SDK1: variants seen among roughly 807,000 people sequenced by gnomAD.
SDK1 encodes protein sidekick-1.
A neutral mutation model predicts 245.5 loss-of-function variants in SDK1; 157 were observed. The ratio of observed to expected loss-of-function variants is 0.64; its 90% CI spans 0.56 to 0.73. The LOEUF (loss-of-function observed/expected upper bound fraction) is 0.73, where lower values mean the gene tolerates loss of function less well. Among genes scored for constraint, SDK1 ranks in the 30% least tolerant of loss-of-function variants. The probability of loss-of-function intolerance (pLI) is 0.00; values close to 1 mark genes in which losing one functional copy is unlikely to be tolerated. For missense variants in SDK1, 3,583 were observed against 3,002.3 expected (o/e 1.19, Z -4.52); for synonymous variants, 1,647 against 1,278.5 (o/e 1.29, Z -6.15).
intron 1 of SDK1, among the ~76,000 whole-genome samples, chr7:3,570,478 G>C (rs1780076604): frequency 6.6e-6 from 1 of 152,150 alleles, no homozygotes; most frequent in Non-Finnish European, 1.5e-5. Context: ...CCACAGCCCG[G>C]AGTTGGGGAT....
intron 1 of SDK1, among the ~76,000 whole-genome samples, chr7:3,319,715 A>G (rs1037195229): frequency 2.0e-5 from 3 of 152,016 alleles, no homozygotes; most frequent in South Asian, 2.1e-4. Context: ...TGCCAACTCA[A>G]GTACCTTTTT....
intron 1 of SDK1, among the ~76,000 whole-genome samples, chr7:3,318,707 T>A (rs1441493912): frequency 6.6e-6 from 1 of 152,226 alleles, no homozygotes; most frequent in Admixed American, 6.5e-5. Flanking sequence ...TGAGTTTTCT[T>A]GGCCTGTTGA....
intron 4 of SDK1, among the ~76,000 whole-genome samples, chr7:3,768,253 GA>G (rs1359331317): frequency 6.6e-6 from 1 of 152,146 alleles, no homozygotes; most frequent in Non-Finnish European, 1.5e-5. Context: ...AGTTGCAACA[GA>G]AAAACTGTTG....
intron 5 of SDK1, among the ~76,000 whole-genome samples, chr7:3,902,130 C>T (rs973131324): frequency 2.6e-5 from 4 of 152,168 alleles, no homozygotes; most frequent in African/African-American, 9.7e-5. Flanking sequence ...GATCTGGCTG[C>T]TAAGTGTGCT....
At chr7:3,558,515 C>T (rs1362874851) in intron 1 of SDK1, among the ~76,000 whole-genome samples, 1 of 152,200 alleles carries the variant, frequency 6.6e-6, no homozygotes, top group Non-Finnish European at 1.5e-5. Context: ...CTACACTTTT[C>T]CAGTCACTGG....
intron 36 of SDK1, 51 bp from the exon 37 acceptor site, chr7:4,208,048 T>A: frequency 7.0e-7 from 1 of 1,429,530 alleles, no homozygotes; most frequent in Non-Finnish European, 9.7e-7. Context: ...GGCCCCCGCT[T>A]ACTGGAAGGC....
chr7:3,753,154 A>G (rs1008341055), intron 4 of SDK1, among the ~76,000 whole-genome samples: 1 of 152,238 alleles, frequency 6.6e-6, no homozygotes, highest in Non-Finnish European at 1.5e-5. Context: ...AGGAATGGTC[A>G]TTAATAAGCT....
chr7:3,974,579 G>T (rs746196634), intron 13 of SDK1, 34 bp downstream of exon 13: 1 of 1,598,800 alleles, frequency 6.3e-7, no homozygotes, highest in Admixed American at 1.7e-5. Context: ...TAGCCAGTCC[G>T]CGGTTTTCTC....
intron 4 of SDK1, among the ~76,000 whole-genome samples, chr7:3,721,852 G>A (rs913988448): frequency 4.6e-5 from 7 of 152,160 alleles, no homozygotes; most frequent in Non-Finnish European, 8.8e-5. Flanking sequence ...TTCATGAACT[G>A]TCGGCCATCC....
At chr7:3,903,183 GCTC>G (rs1359256753) in intron 5 of SDK1, among the ~76,000 whole-genome samples, 5 of 148,166 alleles carry the variant, frequency 3.4e-5, no homozygotes, top group African/African-American at 1.2e-4. Context: ...AGACTCCGTC[GCTC>G]AGGCTAGAGT....
intron 1 of SDK1, among the ~76,000 whole-genome samples, chr7:3,404,034 T>C (rs1778986787): frequency 6.6e-6 from 1 of 151,426 alleles, no homozygotes; most frequent in South Asian, 2.1e-4. Flanking sequence ...TTTTGTAGTC[T>C]GTTAAGTGAG....
At chr7:3,574,511 A>C (rs1216813330) in intron 1 of SDK1, among the ~76,000 whole-genome samples, 2 of 152,038 alleles carry the variant, frequency 1.3e-5, no homozygotes, top group Non-Finnish European at 2.9e-5. Flanking sequence ...CGGGGCTAGC[A>C]TGCTTGTTGC....
intron 5 of SDK1, among the ~76,000 whole-genome samples, chr7:3,851,015 A>G (rs1181108309): frequency 6.6e-6 from 1 of 152,244 alleles, no homozygotes; most frequent in Non-Finnish European, 1.5e-5. Flanking sequence ...AACAAAAAAA[A>G]AAGAAGACAC....
chr7:4,095,447 T>C (rs868816585), intron 22 of SDK1, among the ~76,000 whole-genome samples: 8 of 152,266 alleles, frequency 5.3e-5, no homozygotes, highest in African/African-American at 1.7e-4. Flanking sequence ...TGGTAAGATG[T>C]CACTTTAGTT....
At chr7:3,626,930 T>G (rs1386691526) in intron 2 of SDK1, among the ~76,000 whole-genome samples, 1 of 151,500 alleles carries the variant, frequency 6.6e-6, no homozygotes, top group Non-Finnish European at 1.5e-5. Context: ...TTCAACAATT[T>G]TTTTTTTTTT....
intron 14 of SDK1, among the ~76,000 whole-genome samples, chr7:3,993,212 C>T (rs1228549438): frequency 6.6e-6 from 1 of 152,196 alleles, no homozygotes; most frequent in Admixed American, 6.5e-5. Flanking sequence ...CCACGGCAAC[C>T]TTGATATTTG....
intron 5 of SDK1, among the ~76,000 whole-genome samples, chr7:3,828,722 G>A (rs761791612): frequency 4.8e-5 from 7 of 145,090 alleles, no homozygotes; most frequent in Non-Finnish European, 8.9e-5. Context: ...TGAGATCATG[G>A]CTCACTGCAG....
intron 7 of SDK1, among the ~76,000 whole-genome samples, chr7:3,956,821 A>C (rs1366558162): frequency 6.6e-6 from 1 of 152,130 alleles, no homozygotes; most frequent in Non-Finnish European, 1.5e-5. Flanking sequence ...AGGTCCCCAG[A>C]GCCATGCACT....
intron 19 of SDK1, among the ~76,000 whole-genome samples, chr7:4,059,402 C>T (rs1276507521): frequency 1.3e-5 from 2 of 152,100 alleles, no homozygotes; most frequent in East Asian, 1.9e-4. Context: ...TATAACAATT[C>T]TAAACATATA....
Sources: gnomAD v4.1 joint callset for allele counts (sites outside exome capture counted in the v4.1 genomes callset) on GRCh38, gnomAD v4.1.1 for gene constraint, MANE v1.5 for transcripts, NCBI Gene and HGNC (gene_info 2026-07-23, HGNC 2026-07-21) for gene names.